CACNA2D1: variants seen among roughly 807,000 people sequenced by gnomAD.
CACNA2D1 encodes the protein calcium voltage-gated channel auxiliary subunit alpha2delta 1.
Under a neutral mutation model 171.5 loss-of-function variants are expected in CACNA2D1, and 53 were observed. The observed-to-expected ratio is 0.31, with a 90% CI of 0.25 to 0.39. The LOEUF is 0.39. CACNA2D1 is among the 10% of genes least tolerant of loss of function. The probability of loss-of-function intolerance (pLI) is 1.00; values close to 1 mark genes in which losing one functional copy is unlikely to be tolerated. For synonymous variants in CACNA2D1, 442 were observed against 443.1 expected (o/e 1.00, Z 0.03); for missense variants, 903 against 1,299.8 (o/e 0.69, Z 4.69).
intron 6 of CACNA2D1, among the ~76,000 whole-genome samples, chr7:82,099,160 C>T (rs927547910): frequency 2.6e-5 from 4 of 152,134 alleles, no homozygotes; most frequent in African/African-American, 7.2e-5. Context: ...AGATCTTTCA[C>T]ATTATTTGTC....
intron 1 of CACNA2D1, among the ~76,000 whole-genome samples, chr7:82,380,795 A>G (rs1193811663): frequency 2.0e-5 from 3 of 151,914 alleles, no homozygotes; most frequent in Non-Finnish European, 4.4e-5. Context: ...GCCAGGTTCA[A>G]GCGATTTTCA....
At chr7:82,141,552 A>C (rs1435956215) in intron 4 of CACNA2D1, among the ~76,000 whole-genome samples, 1 of 152,042 alleles carries the variant, frequency 6.6e-6, no homozygotes, top group Non-Finnish European at 1.5e-5. Flanking sequence ...CTCATTCAAC[A>C]ATTATTTTGG....
At chr7:82,349,257 A>G (rs1382149973) in intron 2 of CACNA2D1, among the ~76,000 whole-genome samples, 2 of 152,218 alleles carry the variant, frequency 1.3e-5, no homozygotes, top group Non-Finnish European at 2.9e-5. Context: ...TGAAGAATGG[A>G]AACATTATAA....
chr7:82,395,630 T>C (rs558307107), intron 1 of CACNA2D1, among the ~76,000 whole-genome samples: 2 of 152,314 alleles, frequency 1.3e-5, no homozygotes, highest in East Asian at 1.9e-4. Flanking sequence ...TTCATGGATA[T>C]GAACAATAGC....
At chr7:82,020,178 A>C (rs1234050507) in intron 12 of CACNA2D1, among the ~76,000 whole-genome samples, 1 of 152,206 alleles carries the variant, frequency 6.6e-6, no homozygotes, top group African/African-American at 2.4e-5. Flanking sequence ...TAAGGAGCAG[A>C]TCCCTGTGGG....
At chr7:82,377,242 T>G (rs1823121291) in intron 1 of CACNA2D1, among the ~76,000 whole-genome samples, 2 of 152,164 alleles carry the variant, frequency 1.3e-5, no homozygotes, top group Non-Finnish European at 2.9e-5. Context: ...AACCTAACAT[T>G]CCAGTTATTG....
chr7:82,210,754 G>A (rs543550688), intron 3 of CACNA2D1, among the ~76,000 whole-genome samples: 22 of 152,256 alleles, frequency 1.4e-4, no homozygotes, highest in African/African-American at 4.3e-4. Flanking sequence ...AAGGGGAAAC[G>A]TCTAATGCAC....
chr7:82,111,318 G>T (rs1293666780), intron 6 of CACNA2D1, among the ~76,000 whole-genome samples: 2 of 109,844 alleles, frequency 1.8e-5, no homozygotes, highest in Non-Finnish European at 3.6e-5. Flanking sequence ...ATATATACGT[G>T]TATATACGCA....
chr7:82,412,675 T>C (rs1827804246), intron 1 of CACNA2D1, among the ~76,000 whole-genome samples: 1 of 151,872 alleles, frequency 6.6e-6, no homozygotes, highest in African/African-American at 2.4e-5. Flanking sequence ...GCTCAGTTTA[T>C]TTCTGAAAGA....
At chr7:82,219,477 G>T (rs1184356368) in intron 3 of CACNA2D1, among the ~76,000 whole-genome samples, 1 of 151,830 alleles carries the variant, frequency 6.6e-6, no homozygotes, top group African/African-American at 2.4e-5. Context: ...TGCTGTTTAT[G>T]TGTGACATTT....
intron 4 of CACNA2D1, among the ~76,000 whole-genome samples, chr7:82,169,445 T>A (rs1289663704): frequency 1.3e-5 from 2 of 152,038 alleles, no homozygotes; most frequent in Non-Finnish European, 2.9e-5. Context: ...GTAGACTGTT[T>A]AAAATATATA....
At chr7:82,176,517 A>T (rs545417327) in intron 3 of CACNA2D1, among the ~76,000 whole-genome samples, 1 of 152,060 alleles carries the variant, frequency 6.6e-6, no homozygotes, top group East Asian at 1.9e-4. Flanking sequence ...TTCTATAAAG[A>T]AATATTATTA....
chr7:82,026,051 T>G (rs1438239638), intron 12 of CACNA2D1, among the ~76,000 whole-genome samples: 1 of 151,314 alleles, frequency 6.6e-6, no homozygotes, highest in Non-Finnish European at 1.5e-5. Flanking sequence ...GTGTCAGTTT[T>G]TTTTTTTTTT....
intron 8 of CACNA2D1, among the ~76,000 whole-genome samples, chr7:82,064,849 G>C (rs1183424428): frequency 6.6e-6 from 1 of 152,164 alleles, no homozygotes; most frequent in Non-Finnish European, 1.5e-5. Flanking sequence ...TTATTACCAA[G>C]AACTTCAATG....
intron 3 of CACNA2D1, among the ~76,000 whole-genome samples, chr7:82,281,675 G>A (rs17177181): frequency 0.048 from 7,376 of 152,114 alleles, 238 homozygotes; most frequent in Non-Finnish European, 0.069. Context: ...AGCATATAGC[G>A]GGATATGATA....
intron 3 of CACNA2D1, among the ~76,000 whole-genome samples, chr7:82,294,035 T>G (rs1194820477): frequency 1.3e-5 from 2 of 152,164 alleles, no homozygotes; most frequent in African/African-American, 4.8e-5. Context: ...ATCTTTATCC[T>G]CACAGATTTA....
intron 1 of CACNA2D1, among the ~76,000 whole-genome samples, chr7:82,396,417 T>C (rs1222947712): frequency 1.3e-5 from 2 of 152,226 alleles, no homozygotes; most frequent in Non-Finnish European, 2.9e-5. Flanking sequence ...GATATAATCA[T>C]ATAGTTCCAT....
At chr7:81,972,833 A>T (rs2130474307) in intron 25 of CACNA2D1, among the ~76,000 whole-genome samples, 1 of 152,114 alleles carries the variant, frequency 6.6e-6, no homozygotes, top group Middle Eastern at 3.4e-3. Context: ...GATAGGCTGG[A>T]AACATTTTTG....
At chr7:82,359,017 T>C (rs1486415468) in intron 1 of CACNA2D1, among the ~76,000 whole-genome samples, 1 of 152,108 alleles carries the variant, frequency 6.6e-6, no homozygotes, top group Non-Finnish European at 1.5e-5. Flanking sequence ...ATACATGAGA[T>C]TTGTTCCCTG....
Sources: gnomAD v4.1 joint callset for allele counts (sites outside exome capture counted in the v4.1 genomes callset) on GRCh38, gnomAD v4.1.1 for gene constraint, MANE v1.5 for transcripts, NCBI Gene and HGNC (gene_info 2026-07-23, HGNC 2026-07-21) for gene names.